The following ADAMTS10 variants were observed in gnomAD, a reference collection of about 807,000 sequenced individuals.
The protein encoded by ADAMTS10 is ADAM metallopeptidase with thrombospondin type 1 motif 10, also known as A disintegrin and metalloproteinase with thrombospondin motifs 10.
ADAMTS10 carries 48 observed loss-of-function variants against 135.9 expected under a neutral mutation model. That is an observed-to-expected ratio of 0.35 (90% confidence interval 0.28 to 0.45). The LOEUF (loss-of-function observed/expected upper bound fraction) is 0.45, where lower values mean the gene tolerates loss of function less well. Ranked by LOEUF, ADAMTS10 falls within the 20% of genes least tolerant of loss-of-function variation. The probability of loss-of-function intolerance (pLI) is 1.00; values close to 1 mark genes in which losing one functional copy is unlikely to be tolerated. For missense variants in ADAMTS10, 1,131 were observed against 1,565.2 expected, an observed-to-expected ratio of 0.72 and a Z score of 4.68; for synonymous variants, 621 against 647.5, an observed-to-expected ratio of 0.96 and a Z score of 0.62.
chr19:8,589,723 C>T, intron 16 of ADAMTS10, 138 bp from the exon 17 acceptor site: 1 of 1,466,558 alleles, frequency 6.8e-7, no homozygotes, highest in Admixed American at 2.0e-5. Flanking sequence ...GTGGGGGCTC[C>T]CAGCGTCACG....
rs1369442594 is a variant in ADAMTS10, at chr19:8,585,638, G to A, written c.2683C>T (p.Leu895Phe). 2 of 1,612,118 alleles carry A rather than the reference G, an allele frequency of 1.2e-6. No individual in the cohort carries two copies. The highest frequency in any genetic ancestry group is 1.6e-4 in the Middle Eastern group (1 of 6,080). Residue 895 changes from leucine to phenylalanine, a missense_variant, in exon 23 of 26, where the codon CTC (leucine) becomes TTC (phenylalanine). By Grantham distance (22) the Leu-to-Phe change is conservative. Transcript: ENST00000597188. ...CCTGCATCGCAGCTGCGGCTGCAGA[G>A]CGACCAGTTCCCTACAACCCAGCTG... ...PPDWVVGNWS[L>F]CSRSCDAGVR...
chr19:8,587,270 C>A (rs1221728368), intron 18 of ADAMTS10, among the ~76,000 whole-genome samples: 2 of 151,258 alleles, frequency 1.3e-5, no homozygotes, highest in Non-Finnish European at 2.9e-5. Flanking sequence ...GATCCTCCCA[C>A]CTCAGCCTCT....
intron 2 of ADAMTS10, among the ~76,000 whole-genome samples, chr19:8,606,631 G>A (rs1334085305): frequency 6.6e-6 from 1 of 152,166 alleles, no homozygotes; most frequent in African/African-American, 2.4e-5. Context: ...TTGAACTCCT[G>A]ACCTCGCATC....
At chr19:8,587,535 T>C (rs945678233) in intron 18 of ADAMTS10, among the ~76,000 whole-genome samples, 1 of 149,648 alleles carries the variant, frequency 6.7e-6, no homozygotes, top group Non-Finnish European at 1.5e-5. Context: ...GGTGCGATCA[T>C]AGGTTACTGC....
chr19:8,596,890 C>T lies in ADAMTS10; in HGVS notation c.1040+97G>A. The T allele has an allele frequency of 1.3e-6, 2 of 1,580,462 alleles. No homozygotes were observed. Among genetic ancestry groups the T allele is most frequent in the South Asian group, 2.2e-5 (2 of 89,108 alleles). On this transcript the variant is annotated intron_variant, in intron 8 of 25. Coordinates refer to ENST00000597188, the MANE Select transcript of ADAMTS10 (RefSeq NM_030957.4). The surrounding 1 kb of genome is among the most constrained non-coding windows in gnomAD (Gnocchi z 7.2). Reference sequence around the variant, plus strand: ...GGGCAGCCCAAACTTCTCTGCTCCTCCTGACCCTAGCAGAAGTGATCTCTG... The same window carrying T: ...GGGCAGCCCAAACTTCTCTGCTCCTTCTGACCCTAGCAGAAGTGATCTCTG...
intron 12 of ADAMTS10, chr19:8,595,483 G>A (rs1600109283): frequency 2.1e-6 from 1 of 477,400 alleles, no homozygotes; most frequent in Admixed American, 3.2e-5. Flanking sequence ...GGGGTGTGAT[G>A]TGCCAGACAG....
intron 5 of ADAMTS10, among the ~76,000 whole-genome samples, chr19:8,602,486 C>CT (rs2042678619): frequency 1.3e-5 from 2 of 151,462 alleles, no homozygotes; most frequent in Admixed American, 6.6e-5. Flanking sequence ...GCCTGGCTAA[C>CT]TTTTTTGTAT....
intron 5 of ADAMTS10, among the ~76,000 whole-genome samples, 159 bp downstream of exon 5, chr19:8,603,569 C>T (rs781813369): frequency 6.6e-5 from 10 of 152,182 alleles, no homozygotes; most frequent in East Asian, 3.8e-4. Context: ...CCACTGCACC[C>T]GGCCGGAACT....
At chr19:8,598,917 A>C (rs1187486165) in intron 6 of ADAMTS10, among the ~76,000 whole-genome samples, 4 of 151,700 alleles carry the variant, frequency 2.6e-5, no homozygotes, top group Non-Finnish European at 4.4e-5. Flanking sequence ...GAGAGAGGCC[A>C]GGCTCAGGCA....
chr19:8,603,281 T>C (rs1266054708), intron 5 of ADAMTS10, among the ~76,000 whole-genome samples: 3 of 152,158 alleles, frequency 2.0e-5, no homozygotes, highest in Non-Finnish European at 4.4e-5. Flanking sequence ...GAACTCCCTA[T>C]TTTTTCTTTT....
At position 8,580,756 on chromosome 19, in the gene ADAMTS10, G is replaced by C; in HGVS notation, c.*137C>G. 1 of 694,788 alleles carries C rather than the reference G, an allele frequency of 1.4e-6. No homozygotes were observed. Among genetic ancestry groups the C allele is most frequent in the Non-Finnish European group, 2.5e-6 (1 of 405,626 alleles). 43.0% of individuals were successfully genotyped at this position (694,788 alleles called of 1,614,324 possible). A position where few individuals can be genotyped will look rare whatever the true frequency, so the allele number is the denominator to read the frequency against. ...TCCCCCCAGCCAGGGCCCTGCAGGG[G>C]TTCCCAATAAATAACTTCCGGCTCC... On this transcript the variant is annotated 3_prime_UTR_variant, in exon 26 of 26. Transcript: ENST00000597188.
intron 17 of ADAMTS10, 24 bp from the exon 18 acceptor site, chr19:8,589,389 G>A: frequency 6.2e-7 from 1 of 1,611,218 alleles, no homozygotes; most frequent in Non-Finnish European, 8.5e-7. Context: ...GCGTGAGTGA[G>A]GCGACCCCCT....
At chr19:8,589,837 A>G in intron 16 of ADAMTS10, 52 bp downstream of exon 16, 2 of 1,556,242 alleles carry the variant, frequency 1.3e-6, no homozygotes, top group South Asian at 1.1e-5. Flanking sequence ...GCTGCTGGAC[A>G]CTCCCACGGC....
rs1357836431 is a variant in ADAMTS10 at position 8,592,238 on chromosome 19, C to T, written c.1588-135G>A. 2.7e-6 allele frequency: 4 copies of T among 1,455,720 alleles called. No homozygotes were observed. In the South Asian group the frequency reaches 3.8e-5, roughly 14 times the overall value. 90.2% of individuals were successfully genotyped at this position (1,455,720 alleles called of 1,614,324 possible). ...TGGGCAGAGGCGGGGTCTGAACATG[C>T]GAACAGAGTCAGGTTACGTAGGAGA... On this transcript the variant is annotated intron_variant, in intron 13 of 25. Transcript: ENST00000597188.
At chr19:8,588,990 C>A (rs978420687) in intron 18 of ADAMTS10, among the ~76,000 whole-genome samples, 1 of 152,118 alleles carries the variant, frequency 6.6e-6, no homozygotes, top group African/African-American at 2.4e-5. Flanking sequence ...CAGGGTTTCA[C>A]CATGTTGGCC....
At position 8,590,605 on chromosome 19, in the gene ADAMTS10, C is replaced by T. The variant is rs569953343; in HGVS notation, c.1798-614G>A. On this transcript the variant is annotated intron_variant, in intron 15 of 25. Transcript: ENST00000597188. ...TCCCAAGTAGCTGGGACTACAGGCGCGTGCCACCACGCCTGGCTAATTTTT... is the reference window on the plus strand; with the variant it reads ...TCCCAAGTAGCTGGGACTACAGGCGTGTGCCACCACGCCTGGCTAATTTTT... 1.5e-3 allele frequency among the ~76,000 whole-genome samples: 229 copies of T among 151,966 alleles called. 1 individual carries two copies. The highest frequency in any genetic ancestry group is 3.7e-3 in the African/African-American group (152 of 41,468).
At position 8,580,614 on chromosome 19, in the gene ADAMTS10, G is replaced by A; in HGVS notation, c.*279C>T. 2.3e-6 allele frequency: 1 copy of A among 442,066 alleles called. No individual in the cohort carries two copies. The allele number at this position is 442,066 out of a possible 1,614,324, so 27.4% of individuals were successfully genotyped here. ...CTCCCTAAGGGTGGGTTCAAAGGGT[G>A]CTGGGGTGAACAGCTGTCCCCTCCC... On this transcript the variant is annotated 3_prime_UTR_variant, in exon 26 of 26. Transcript: ENST00000597188.
In ADAMTS10 at chr19:8,597,066, T is replaced by C; in HGVS notation, c.961A>G (p.Ile321Val). The change falls in exon 8 of 26, where the codon ATC becomes GTC. Residue 321 changes from isoleucine (I) to valine (V), a missense_variant. Ile to Val is a conservative substitution (Grantham distance 29, BLOSUM62 3). Coordinates refer to ENST00000597188, the MANE Select transcript of ADAMTS10 (RefSeq NM_030957.4). ...TTGCCATGGCCGCTGTGGTTCACGA[T>C]GGATTTCTGCCACTTACAGAAGCTG... ...LDSFCKWQKS[I>V]VNHSGHGNAI... 1 of 1,614,122 alleles carries C rather than the reference T, an allele frequency of 6.2e-7. No homozygotes were observed. The highest frequency in any genetic ancestry group is 1.3e-5 in the African/African-American group (1 of 75,026).
At chr19:8,607,451 G>A (rs1041013813) in intron 2 of ADAMTS10, among the ~76,000 whole-genome samples, 3 of 152,050 alleles carry the variant, frequency 2.0e-5, no homozygotes, top group African/African-American at 7.2e-5. Flanking sequence ...TCTGCCCCAG[G>A]CCAGCCTGCC....
Sources: allele counts gnomAD v4.1 joint callset (sites outside exome capture counted in the v4.1 genomes callset), GRCh38; gene constraint gnomAD v4.1.1; non-coding constraint Gnocchi (gnomAD v3.1); transcripts MANE v1.5; gene names NCBI Gene and HGNC (gene_info 2026-07-23, HGNC 2026-07-21).